The following GLI2 variants were observed in gnomAD, a reference collection of about 807,000 sequenced individuals.
GLI2 encodes the protein GLI family zinc finger 2.
In GLI2, 22 loss-of-function variants were observed where a neutral mutation model predicts 78.9. The ratio of observed to expected loss-of-function variants is 0.28; its 90% CI spans 0.20 to 0.40. GLI2 has a LOEUF of 0.40. GLI2 is among the 10% of genes least tolerant of loss of function. The probability of loss-of-function intolerance (pLI) is 1.00; values close to 1 mark genes in which losing one functional copy is unlikely to be tolerated. For missense variants in GLI2, 2,097 were observed against 2,213.2 expected (o/e 0.95, Z 1.05); for synonymous variants, 974 against 963.7 (o/e 1.01, Z -0.20).
At chr2:120,808,285 G>C (rs1685056127) in intron 2 of GLI2, among the ~76,000 whole-genome samples, 1 of 152,198 alleles carries the variant, frequency 6.6e-6, no homozygotes, top group Non-Finnish European at 1.5e-5. Flanking sequence ...ATGGTGGCCA[G>C]GGTGGGGAAG....
chr2:120,836,336 T>C (rs1686610032), intron 2 of GLI2, among the ~76,000 whole-genome samples: 2 of 152,246 alleles, frequency 1.3e-5, no homozygotes, highest in Non-Finnish European at 2.9e-5. Flanking sequence ...TGTGTGTGTA[T>C]ATGTGTATAT....
intron 2 of GLI2, among the ~76,000 whole-genome samples, chr2:120,865,241 C>G (rs901966171): frequency 6.6e-6 from 1 of 152,198 alleles, no homozygotes; most frequent in Admixed American, 6.5e-5. Flanking sequence ...GGAGCCTCAT[C>G]GATGAGCTCA....
chr2:120,833,365 AG>A (rs1686458163), intron 2 of GLI2, among the ~76,000 whole-genome samples: 2 of 152,030 alleles, frequency 1.3e-5, no homozygotes, highest in Admixed American at 1.3e-4. Flanking sequence ...GAGCTAGGTG[AG>A]GGTCTGCAAT....
intron 3 of GLI2, among the ~76,000 whole-genome samples, chr2:120,949,883 G>A (rs1022925860): frequency 5.9e-5 from 9 of 152,162 alleles, no homozygotes; most frequent in Middle Eastern, 3.2e-3. Context: ...GCACTATTGA[G>A]CATGATCAGT....
rs1682384859 is a variant in GLI2, at chr2:120,737,015, A to C, written c.-31+730A>C. ...ACCTCACTTTCATCCCTGCCCCCCT[A>C]CTCATCGTCTCTCCCCACCCCCGAC... On this transcript the variant is annotated intron_variant, in intron 1 of 13. Coordinates refer to ENST00000361492, the MANE Select transcript of GLI2 (RefSeq NM_001374353.1). This position sits in a 1 kb window ranked among gnomAD's most constrained non-coding sequence, Gnocchi z 4.3. Among the ~76,000 whole-genome samples the C allele has an allele frequency of 6.7e-6, 1 of 148,646 alleles. No homozygotes were observed. Among genetic ancestry groups the C allele is most frequent in the Non-Finnish European group, 1.5e-5 (1 of 67,000 alleles).
intron 3 of GLI2, among the ~76,000 whole-genome samples, chr2:120,927,696 T>C (rs950625793): frequency 1.3e-5 from 2 of 152,230 alleles, no homozygotes; most frequent in East Asian, 3.9e-4. Flanking sequence ...TCACCACTTA[T>C]AAGGCTCTGG....
At chr2:120,826,118 C>T (rs1686046352) in intron 2 of GLI2, among the ~76,000 whole-genome samples, 1 of 152,206 alleles carries the variant, frequency 6.6e-6, no homozygotes, top group African/African-American at 2.4e-5. Context: ...AGGCTTCCAA[C>T]CCGGCTGGGT....
At chr2:120,863,058 C>T (rs1288198772) in intron 2 of GLI2, among the ~76,000 whole-genome samples, 3 of 152,190 alleles carry the variant, frequency 2.0e-5, no homozygotes, top group Non-Finnish European at 2.9e-5. Flanking sequence ...TGCAAGGTGA[C>T]CAGAGCGCCT....
At chr2:120,781,118 TGG>T (rs1683835021) in intron 1 of GLI2, among the ~76,000 whole-genome samples, 1 of 152,222 alleles carries the variant, frequency 6.6e-6, no homozygotes, top group African/African-American at 2.4e-5. Context: ...TCCCTGCTTC[TGG>T]GCCTGGTGGG....
chr2:120,750,100 G>A (rs938643011), intron 1 of GLI2, among the ~76,000 whole-genome samples: 7 of 152,278 alleles, frequency 4.6e-5, no homozygotes, highest in South Asian at 2.1e-4. Context: ...GCAGGGCGCA[G>A]GCTTTGTCTC....
chr2:120,816,926 T>G (rs75447011), intron 2 of GLI2, among the ~76,000 whole-genome samples: 1 of 152,228 alleles, frequency 6.6e-6, no homozygotes, highest in African/African-American at 2.4e-5. Context: ...GGCCTTCCCA[T>G]GCTGTTGGTT....
chr2:120,927,180 G>A (rs1252777283), intron 2 of GLI2, among the ~76,000 whole-genome samples, 181 bp from the exon 3 acceptor site: 3 of 152,202 alleles, frequency 2.0e-5, no homozygotes, highest in Non-Finnish European at 4.4e-5. Context: ...TAGAATTCTC[G>A]GGCAGACTTT....
At chr2:120,956,020 G>T (rs563116709) in intron 5 of GLI2, among the ~76,000 whole-genome samples, 2 of 152,122 alleles carry the variant, frequency 1.3e-5, no homozygotes, top group Non-Finnish European at 2.9e-5. Context: ...GAAGAGACTG[G>T]CTTTCACTGG....
At chr2:120,916,060 G>A (rs1367987584) in intron 2 of GLI2, among the ~76,000 whole-genome samples, 2 of 152,220 alleles carry the variant, frequency 1.3e-5, no homozygotes, top group Non-Finnish European at 2.9e-5. Context: ...AAGGGCCTGT[G>A]AGTCTCCCTC....
chr2:120,942,927 TTCGTTCACACCCTCACTCAC>T (rs1558901392), intron 3 of GLI2, among the ~76,000 whole-genome samples: 2,024 of 150,330 alleles, frequency 0.013, 56 homozygotes, highest in African/African-American at 0.049. Context: ...CATTCATTCA[TTCGTTCACACCCTCACTCAC>T]TCATTCATTC....
At chr2:120,973,400 C>A (rs1445821437) in intron 8 of GLI2, among the ~76,000 whole-genome samples, 1 of 152,236 alleles carries the variant, frequency 6.6e-6, no homozygotes, top group Non-Finnish European at 1.5e-5. Flanking sequence ...GCCCTCCAAC[C>A]CTGGCCGGCC....
rs954860325 is a variant in GLI2, at chr2:120,763,515, G to C, written c.-31+27230G>C. Among the ~76,000 whole-genome samples the C allele has an allele frequency of 2.0e-5, 3 of 152,360 alleles. No individual in the cohort carries two copies. The South Asian group carries it at 6.2e-4, about 32-fold the overall frequency. On this transcript the variant is annotated intron_variant, in intron 1 of 13. Coordinates refer to ENST00000361492, the MANE Select transcript of GLI2 (RefSeq NM_001374353.1). Reference sequence around the variant, plus strand: ...GGGCTTGTCCTGAGCAGCAGGCTTGGTGGCAGCCAAGACCAGGCATCCAGT... The same window carrying C: ...GGGCTTGTCCTGAGCAGCAGGCTTGCTGGCAGCCAAGACCAGGCATCCAGT...
chr2:120,914,529 T>C (rs948014143), intron 2 of GLI2, among the ~76,000 whole-genome samples: 33 of 152,354 alleles, frequency 2.2e-4, no homozygotes, highest in African/African-American at 6.3e-4. Context: ...ACCAGCCCTA[T>C]TGTTTCTTCC....
rs571292346 is a variant in GLI2, at chr2:120,737,126, G to T, written c.-31+841G>T. ...GTATGTGATGGATGGGGAGAGGCGC[G>T]GAGAGAGTTGGGCGCCAATCCTATT... is the stretch of plus-strand genomic sequence containing the variant. On this transcript the variant is annotated intron_variant, in intron 1 of 13. Coordinates refer to ENST00000361492, the MANE Select transcript of GLI2 (RefSeq NM_001374353.1). The surrounding 1 kb of genome is among the most constrained non-coding windows in gnomAD (Gnocchi z 4.3). 1.1e-4 allele frequency among the ~76,000 whole-genome samples: 16 copies of T among 152,272 alleles called. No homozygotes were observed. The highest frequency in any genetic ancestry group is 3.9e-4 in the African/African-American group (16 of 41,554).
Sources: allele counts gnomAD v4.1 joint callset (sites outside exome capture counted in the v4.1 genomes callset), GRCh38; gene constraint gnomAD v4.1.1; non-coding constraint Gnocchi (gnomAD v3.1); transcripts MANE v1.5; gene names NCBI Gene and HGNC (gene_info 2026-07-23, HGNC 2026-07-21).